Variants in ZNF415 observed in about 807,000 individuals in gnomAD.
The protein encoded by ZNF415 is zinc finger protein 415.
In ZNF415, 5 loss-of-function variants were observed where a neutral mutation model predicts 7.3. The ratio of observed to expected loss-of-function variants is 0.69; its 90% CI spans 0.36 to 1.44. The LOEUF (loss-of-function observed/expected upper bound fraction) is 1.44. ZNF415 is among the 40% of genes most tolerant of loss of function. The pLI is 0.04. For missense variants in ZNF415, 628 were observed against 664.8 expected (o/e 0.94, Z 0.61); for synonymous variants, 207 against 226.3 (o/e 0.91, Z 0.77).
chr19:53,128,212 T>C (rs1486957307), intron 1 of ZNF415, among the ~76,000 whole-genome samples: 1 of 152,062 alleles, frequency 6.6e-6, no homozygotes, highest in Non-Finnish European at 1.5e-5. Flanking sequence ...AAAGCAGGAA[T>C]GGACACAAAC....
At position 53,108,893 on chromosome 19, in the gene ZNF415, G is replaced by A. The variant is rs150319311; in HGVS notation, c.1152C>T (p.Tyr384=). ...HQRIHTGEKP[Y]KCNECGKVFS... ...AGACTTTACCACATTCATTACACTT[G>A]TATGGTTTCTCCCCAGTGTGAATTC... Residue 384 remains tyrosine, a synonymous_variant, in exon 4 of 4, where the codon TAC becomes TAT. Transcript: ENST00000243643. 5.0e-6 allele frequency: 8 copies of A among 1,613,992 alleles called. No homozygotes were observed. In the African/African-American group the frequency reaches 1.1e-4, roughly 22 times the overall value.
rs79306341 is a variant in ZNF415, at chr19:53,116,209, C to G, written c.136+104G>C. Reference sequence around the variant, plus strand: ...GCTTTTCATTTCAGAGTCAACAAGGCCTCAAACTCAGTCAGGTAATGCAGG... The same window carrying G: ...GCTTTTCATTTCAGAGTCAACAAGGGCTCAAACTCAGTCAGGTAATGCAGG... On this transcript the variant is annotated intron_variant, in intron 3 of 3. Coordinates refer to ENST00000243643, the MANE Select transcript of ZNF415 (RefSeq NM_018355.4). 3,746 of 1,315,472 alleles carry G rather than the reference C, an allele frequency of 2.8e-3. 149 individuals are homozygous for G. The East Asian group carries it at 0.082, about 29-fold the overall frequency. 81.5% of individuals were successfully genotyped at this position (1,315,472 alleles called of 1,614,324 possible). A position where few individuals can be genotyped will look rare whatever the true frequency, so the allele number is the denominator to read the frequency against.
intron 3 of ZNF415, among the ~76,000 whole-genome samples, chr19:53,110,430 A>C (rs2086065943): frequency 6.6e-6 from 1 of 152,172 alleles, no homozygotes; most frequent in South Asian, 2.1e-4. Context: ...AACGAGACAA[A>C]AACTAATAAA....
At chr19:53,127,668 G>T (rs1019735920) in intron 1 of ZNF415, among the ~76,000 whole-genome samples, 4 of 152,108 alleles carry the variant, frequency 2.6e-5, no homozygotes, top group Non-Finnish European at 5.9e-5. Flanking sequence ...CACGAAGTCA[G>T]GAGATCGAGA....
Position 53,108,257 on chromosome 19 carries a change from G to A in ZNF415, c.*120C>T, listed in dbSNP as rs1411394037. ...CTCAAGAATGAAATTCTCTGATGCT[G>A]TGTAGGAGTGAATTGTGACTGAAAA... On this transcript the variant is annotated 3_prime_UTR_variant, in exon 4 of 4. Transcript: ENST00000243643. The A allele has an allele frequency of 4.4e-6, 4 of 904,978 alleles. No individual in the cohort carries two copies. Among genetic ancestry groups the A allele is most frequent in the Admixed American group, 2.9e-5 (1 of 34,836 alleles). 56.1% of individuals were successfully genotyped at this position (904,978 alleles called of 1,614,324 possible).
intron 1 of ZNF415, among the ~76,000 whole-genome samples, chr19:53,126,090 A>C (rs2089038263): frequency 6.6e-6 from 1 of 150,550 alleles, no homozygotes; most frequent in Non-Finnish European, 1.5e-5. Context: ...ATACAGGGTG[A>C]CACTAGTGCA....
chr19:53,116,141 C>T lies in ZNF415; in HGVS notation c.136+172G>A, dbSNP rs146982025. On this transcript the variant is annotated intron_variant, in intron 3 of 3. Coordinates refer to ENST00000243643, the MANE Select transcript of ZNF415 (RefSeq NM_018355.4). ...TTGTATCATGAAGGGGTCAGAAAAT[C>T]TGGAAAAAGGGGATGGTTAAACTCC... 7 of 787,198 alleles carry T rather than the reference C, an allele frequency of 8.9e-6. No homozygotes were observed. The Admixed American group carries it at 1.9e-4, about 22-fold the overall frequency. The allele number at this position is 787,198 out of a possible 1,614,324, so 48.8% of individuals were successfully genotyped here.
At chr19:53,130,729 C>T (rs1453416575) in intron 1 of ZNF415, among the ~76,000 whole-genome samples, 1 of 152,076 alleles carries the variant, frequency 6.6e-6, no homozygotes, top group Non-Finnish European at 1.5e-5. Context: ...TCACTGCAAC[C>T]TCCGCCTCCC....
At chr19:53,132,799 G>C (rs1339248360) in intron 1 of ZNF415, 57 bp downstream of exon 1, 1 of 152,422 alleles carries the variant, frequency 6.6e-6, no homozygotes, top group Non-Finnish European at 1.5e-5. Flanking sequence ...CCTGGACATC[G>C]GCTGTGGAAA....
Position 53,117,179 on chromosome 19 carries a change from C to T in ZNF415, c.16-746G>A, listed in dbSNP as rs112777097. Among the ~76,000 whole-genome samples the T allele has an allele frequency of 2.9e-3, 435 of 152,210 alleles. 1 individual carries two copies. The highest frequency in any genetic ancestry group is 0.015 in the East Asian group (78 of 5,178). On this transcript the variant is annotated intron_variant, in intron 2 of 3. Transcript: ENST00000243643. The stretch of plus-strand genomic sequence containing the variant: ...GAATTCGGCTGGGCGTGGTGGCTCA[C>T]GCCTGTAATCCCAGCACTTTGGGAG...
chr19:53,115,985 T>A, intron 3 of ZNF415: 1 of 633,676 alleles, frequency 1.6e-6, no homozygotes, highest in East Asian at 2.7e-5. Flanking sequence ...TAGGGAAGAC[T>A]GTAATATGCA....
At chr19:53,120,264 T>C (rs2087779099) in intron 2 of ZNF415, among the ~76,000 whole-genome samples, 1 of 152,178 alleles carries the variant, frequency 6.6e-6, no homozygotes, top group Admixed American at 6.5e-5. Context: ...AAATATCACA[T>C]CTGCCCCTTA....
intron 3 of ZNF415, among the ~76,000 whole-genome samples, chr19:53,110,941 T>G (rs2086138059): frequency 6.6e-6 from 1 of 152,172 alleles, no homozygotes; most frequent in African/African-American, 2.4e-5. Context: ...ACAATATACA[T>G]AAGAGTTTGT....
At chr19:53,117,167 C>T (rs961572592) in intron 2 of ZNF415, among the ~76,000 whole-genome samples, 5 of 152,076 alleles carry the variant, frequency 3.3e-5, no homozygotes, top group Admixed American at 6.6e-5. Context: ...TTCGGCTGGG[C>T]GTGGTGGCTC....
chr19:53,116,247 G>C (rs1355149965), intron 3 of ZNF415, 66 bp downstream of exon 3: 1 of 1,541,414 alleles, frequency 6.5e-7, no homozygotes, highest in Non-Finnish European at 8.7e-7. Flanking sequence ...CTCCCAAGAG[G>C]CACACAAGGG....
intron 1 of ZNF415, among the ~76,000 whole-genome samples, chr19:53,125,056 T>A (rs115428816): frequency 0.6 from 90,528 of 151,532 alleles, 28,457 homozygotes; most frequent in East Asian, 0.74. Context: ...CCAATTTTTT[T>A]TTTTTTGAGA....
Position 53,109,146 on chromosome 19 carries a change from T to C in ZNF415, c.899A>G (p.Tyr300Cys). Reference sequence around the variant, plus strand: ...GACCTTGTCACACTCATAACATTTGTAAGGTTTCTCTCCAGTGTGAACTCT... The same window carrying C: ...GACCTTGTCACACTCATAACATTTGCAAGGTTTCTCTCCAGTGTGAACTCT... ...HRRVHTGEKPYKCYECDKVFS... is the reference protein window; with the variant it reads ...HRRVHTGEKPCKCYECDKVFS... The change falls in exon 4 of 4, where the codon TAC becomes TGC. Residue 300 changes from tyrosine to cysteine, a missense_variant. Physicochemically the swap from Tyr to Cys is radical, Grantham distance 194. Transcript: ENST00000243643. The C allele has an allele frequency of 6.2e-7, 1 of 1,614,124 alleles. No homozygotes were observed. The highest frequency in any genetic ancestry group is 2.2e-5 in the East Asian group (1 of 44,880).
Position 53,108,646 on chromosome 19 carries a change from G to T in ZNF415, c.1399C>A (p.Pro467Thr). 1 of 1,614,162 alleles carries T rather than the reference G, an allele frequency of 6.2e-7. No homozygotes were observed. Among genetic ancestry groups the T allele is most frequent in the South Asian group, 1.1e-5 (1 of 91,086 alleles). The change falls in exon 4 of 4, where the codon CCT becomes ACT. Residue 467 changes from proline (P) to threonine (T), a missense_variant. Transcript: ENST00000243643. ...TTGCCACATTGATTACATTTGTAAGGCTTCTCTCCAGTATGGATGACCTGA... is the reference window on the plus strand; with the variant it reads ...TTGCCACATTGATTACATTTGTAAGTCTTCTCTCCAGTATGGATGACCTGA... ...THQVIHTGEKPYKCNQCGKGF... is the reference protein window; with the variant it reads ...THQVIHTGEKTYKCNQCGKGF...
Position 53,116,308 on chromosome 19 carries a change from CT to C in ZNF415, c.136+4del. 1.3e-6 allele frequency: 2 copies of C among 1,592,534 alleles called. No individual in the cohort carries two copies. The highest frequency in any genetic ancestry group is 1.7e-6 in the Non-Finnish European group (2 of 1,174,178). The stretch of plus-strand genomic sequence containing the variant: ...TTTTGACTTCTGGAAGAAAATTATC[CT>C]CACCCAGGGAGACCAGGTTCCTGTA... On this transcript the variant is annotated splice_donor_region_variant and intron_variant, in intron 3 of 3. Transcript: ENST00000243643.
Sources: allele counts gnomAD v4.1 joint callset (sites outside exome capture counted in the v4.1 genomes callset), GRCh38; gene constraint gnomAD v4.1.1; transcripts MANE v1.5; gene names NCBI Gene and HGNC (gene_info 2026-07-23, HGNC 2026-07-21).